The following ANKRD11 variants were observed in gnomAD, a reference collection of about 807,000 sequenced individuals.
ANKRD11 encodes the protein ankyrin repeat domain 11.
In ANKRD11, 17 loss-of-function variants were observed where a neutral mutation model predicts 195.7. That is an observed-to-expected ratio of 0.09 (90% CI 0.06 to 0.13). The LOEUF is 0.13. Ranked by LOEUF, ANKRD11 falls within the 10% of genes least tolerant of loss-of-function variation. The pLI is 1.00. For synonymous variants in ANKRD11, 1,953 were observed against 1,528.1 expected (o/e 1.28, Z -6.49); for missense variants, 3,735 against 3,566.1 (o/e 1.05, Z -1.21).
chr16:89,385,945 C>A (rs568579169), intron 2 of ANKRD11, among the ~76,000 whole-genome samples: 2 of 152,354 alleles, frequency 1.3e-5, no homozygotes, highest in South Asian at 4.1e-4. Flanking sequence ...CCAAACTTAG[C>A]ACACAGCGGA....
At chr16:89,278,086 CCA>C (rs1341149528) in intron 9 of ANKRD11, 1 of 196,198 alleles carries the variant, frequency 5.1e-6, no homozygotes, top group East Asian at 1.5e-4. Flanking sequence ...GCTGCATCAA[CCA>C]CACAGTCCGC....
At chr16:89,270,343 T>G (rs888005419) in intron 12 of ANKRD11, 2 of 249,868 alleles carry the variant, frequency 8.0e-6, no homozygotes, top group Non-Finnish European at 1.6e-5. Flanking sequence ...CTGTAACTTT[T>G]GGCAAGTTTC....
intron 1 of ANKRD11, among the ~76,000 whole-genome samples, chr16:89,426,044 ACTC>A (rs2042702880): frequency 6.6e-6 from 1 of 151,968 alleles, no homozygotes; most frequent in Admixed American, 6.6e-5. Context: ...TAGGAATCAA[ACTC>A]CTCTGCTAAA....
chr16:89,305,197 G>A lies in ANKRD11; in HGVS notation c.226+9C>T. On this transcript the variant is annotated intron_variant, in intron 4 of 12. Transcript: ENST00000301030. Reference sequence around the variant, plus strand: ...AGGGCTGACTGCAGGAGGGGCCGCGGGCTGGTACCTGTGTCCGAGTCCTTC... The same window carrying A: ...AGGGCTGACTGCAGGAGGGGCCGCGAGCTGGTACCTGTGTCCGAGTCCTTC... 1.9e-6 allele frequency: 3 copies of A among 1,610,824 alleles called. No homozygotes were observed. Among genetic ancestry groups the A allele is most frequent in the South Asian group, 1.1e-5 (1 of 91,010 alleles).
chr16:89,478,470 G>A (rs1321261910), intron 1 of ANKRD11, among the ~76,000 whole-genome samples: 3 of 152,012 alleles, frequency 2.0e-5, no homozygotes, highest in East Asian at 1.9e-4. Flanking sequence ...GCCCCCACCC[G>A]GTAACTCATT....
At chr16:89,351,268 G>A (rs867635754) in intron 2 of ANKRD11, among the ~76,000 whole-genome samples, 2 of 152,144 alleles carry the variant, frequency 1.3e-5, no homozygotes, top group African/African-American at 2.4e-5. Context: ...ATCACCCCAC[G>A]CCCACAGGCC....
At chr16:89,464,935 G>A (rs1422159952) in intron 1 of ANKRD11, among the ~76,000 whole-genome samples, 1 of 152,204 alleles carries the variant, frequency 6.6e-6, no homozygotes, top group Non-Finnish European at 1.5e-5. Context: ...AACCACCTGG[G>A]GGTCAGGGGC....
chr16:89,288,038 G>A lies in ANKRD11; in HGVS notation c.744+490C>T, dbSNP rs1053613632. On this transcript the variant is annotated intron_variant, in intron 7 of 12. Transcript: ENST00000301030. ...ACCACGACCTCTCTCGACCCCCACA[G>A]AGGCTGAGACCTCTCAGTGCCCACT... 6 of 531,306 alleles carry A rather than the reference G, an allele frequency of 1.1e-5. No homozygotes were observed. In the African/African-American group the frequency reaches 1.1e-4, roughly 10 times the overall value. The allele number at this position is 531,306 out of a possible 1,614,324, so 32.9% of individuals were successfully genotyped here.
chr16:89,385,231 C>T (rs551931949), intron 2 of ANKRD11, among the ~76,000 whole-genome samples: 78 of 151,430 alleles, frequency 5.2e-4, no homozygotes, highest in Middle Eastern at 6.8e-3. Context: ...CCTCTGTCAC[C>T]CAGGCTGGAG....
chr16:89,460,451 C>A lies in ANKRD11; in HGVS notation c.-145+29794G>T, dbSNP rs183194521. 3.3e-5 allele frequency among the ~76,000 whole-genome samples: 5 copies of A among 152,204 alleles called. No homozygotes were observed. In the East Asian group the frequency reaches 9.6e-4, roughly 29 times the overall value. The stretch of plus-strand genomic sequence containing the variant: ...CCAGGTGCCTGTAATCCCAGCTACT[C>A]AGGAGGCTGAAGCAGGAAAATTGCT... On this transcript the variant is annotated intron_variant, in intron 1 of 12. Transcript: ENST00000301030.
chr16:89,354,288 T>C (rs557185972), intron 2 of ANKRD11, among the ~76,000 whole-genome samples: 28 of 150,960 alleles, frequency 1.9e-4, no homozygotes, highest in African/African-American at 6.6e-4. Context: ...ACACTGTATC[T>C]CACCCTAGAA....
intron 2 of ANKRD11, among the ~76,000 whole-genome samples, chr16:89,349,237 A>C (rs1326552689): frequency 6.6e-6 from 1 of 151,620 alleles, no homozygotes; most frequent in African/African-American, 2.4e-5. Flanking sequence ...AACAGAAAAG[A>C]CCAAAAACAG....
intron 2 of ANKRD11, among the ~76,000 whole-genome samples, chr16:89,410,000 C>T (rs1299467892): frequency 1.3e-5 from 2 of 152,062 alleles, no homozygotes; most frequent in Non-Finnish European, 1.5e-5. Context: ...CCACCACGCC[C>T]GGCTAATTTT....
chr16:89,488,107 T>C (rs1278872687), intron 1 of ANKRD11, among the ~76,000 whole-genome samples: 4 of 152,092 alleles, frequency 2.6e-5, no homozygotes. Context: ...TTCTGGTAAA[T>C]TGTGTTATGT....
chr16:89,313,404 T>C (rs1212772401), intron 3 of ANKRD11: 3 of 1,288,812 alleles, frequency 2.3e-6, no homozygotes, highest in South Asian at 1.2e-5. Context: ...TGGTCGGCAA[T>C]GGTGAGAGAC....
rs1048951998 is a variant in ANKRD11, at chr16:89,278,884, G to T, written c.7470+188C>A. On this transcript the variant is annotated intron_variant, in intron 9 of 12. Coordinates refer to ENST00000301030, the MANE Select transcript of ANKRD11 (RefSeq NM_013275.6). ...CTGGAGGAAGGACCTCGGGTCTGCA[G>T]AACAGCTGGGCAGCTTCCGGCTTTT... 2.3e-5 allele frequency: 23 copies of T among 995,150 alleles called. No individual in the cohort carries two copies. In the African/African-American group the frequency reaches 3.7e-4, roughly 16 times the overall value. 61.6% of individuals were successfully genotyped at this position (995,150 alleles called of 1,614,324 possible). A position where few individuals can be genotyped will look rare whatever the true frequency, so the allele number is the denominator to read the frequency against.
intron 1 of ANKRD11, among the ~76,000 whole-genome samples, chr16:89,421,495 C>G (rs12931214): frequency 6.9e-5 from 7 of 101,594 alleles, no homozygotes; most frequent in Admixed American, 9.3e-5. Flanking sequence ...GGGGGTGGGG[C>G]TGAGACACGA....
chr16:89,392,130 C>G (rs2041225783), intron 2 of ANKRD11, among the ~76,000 whole-genome samples: 1 of 152,158 alleles, frequency 6.6e-6, no homozygotes, highest in Non-Finnish European at 1.5e-5. Context: ...GGAAACCGGA[C>G]ACAGCAGTTG....
At chr16:89,441,388 C>T (rs757418977) in intron 1 of ANKRD11, among the ~76,000 whole-genome samples, 3 of 152,162 alleles carry the variant, frequency 2.0e-5, no homozygotes, top group Non-Finnish European at 4.4e-5. Context: ...TTTTTAAGAT[C>T]TTGCACATCC....
Sources: gnomAD v4.1 joint callset for allele counts (sites outside exome capture counted in the v4.1 genomes callset) on GRCh38, gnomAD v4.1.1 for gene constraint, MANE v1.5 for transcripts, NCBI Gene and HGNC (gene_info 2026-07-23, HGNC 2026-07-21) for gene names.